Variants in PPP2R2B observed in about 807,000 individuals in gnomAD.
PPP2R2B encodes serine/threonine-protein phosphatase 2A 55 kDa regulatory subunit B beta isoform.
Under a neutral mutation model 46.0 loss-of-function variants are expected in PPP2R2B, and 5 were observed. That is an observed-to-expected ratio of 0.11 (90% confidence interval 0.06 to 0.23). The LOEUF is 0.23. PPP2R2B is among the 10% of genes least tolerant of loss of function. The pLI, the probability that PPP2R2B is intolerant of heterozygous loss-of-function variation, is 1.00. For synonymous variants in PPP2R2B, 215 were observed against 206.7 expected (o/e 1.04, Z -0.34); for missense variants, 367 against 575.0 (o/e 0.64, Z 3.70).
rs1276397609 is a variant in PPP2R2B, at chr5:146,701,151, A to C, written c.71-9T>G. 1 of 1,602,606 alleles carries C rather than the reference A, an allele frequency of 6.2e-7. No homozygotes were observed. The highest frequency in any genetic ancestry group is 1.1e-5 in the South Asian group (1 of 90,832). On this transcript the variant is annotated splice_polypyrimidine_tract_variant and intron_variant, in intron 2 of 9. Transcript: ENST00000394411. ...CGTAGAGATAATGTCAGCTGCAAAG[A>C]AGAAGACAAAGGCAATTTAAGTAAC...
At chr5:146,682,875 T>C (rs1243470541) in intron 5 of PPP2R2B, among the ~76,000 whole-genome samples, 1 of 152,184 alleles carries the variant, frequency 6.6e-6, no homozygotes, top group Non-Finnish European at 1.5e-5. Context: ...ATTTTGATAA[T>C]AATGTTGTCC....
chr5:147,055,594 G>C, intron 1 of PPP2R2B: 1 of 1,352,656 alleles, frequency 7.4e-7, no homozygotes, highest in Non-Finnish European at 1.1e-6. Flanking sequence ...AGCATCAGCA[G>C]AACCCGTGGG....
At chr5:147,046,558 A>T (rs1197521299) in intron 1 of PPP2R2B, among the ~76,000 whole-genome samples, 3 of 152,198 alleles carry the variant, frequency 2.0e-5, no homozygotes, top group Non-Finnish European at 4.4e-5. Flanking sequence ...AAATGAAGGA[A>T]TTGCCTTGGG....
intron 2 of PPP2R2B, among the ~76,000 whole-genome samples, chr5:146,798,018 T>A (rs930887251): frequency 6.6e-6 from 1 of 152,150 alleles, no homozygotes; most frequent in Non-Finnish European, 1.5e-5. Flanking sequence ...AGAGTCTCCC[T>A]TCCCATAACT....
intron 1 of PPP2R2B, among the ~76,000 whole-genome samples, chr5:146,970,672 G>A (rs1752625007): frequency 6.6e-6 from 1 of 152,130 alleles, no homozygotes; most frequent in African/African-American, 2.4e-5. Context: ...TTAAGTCACA[G>A]GAAGAGGAAT....
At chr5:146,663,769 A>G (rs1776814372) in intron 5 of PPP2R2B, among the ~76,000 whole-genome samples, 1 of 152,168 alleles carries the variant, frequency 6.6e-6, no homozygotes, top group Non-Finnish European at 1.5e-5. Context: ...ATGTTGATGG[A>G]TGCTGATTGA....
intron 5 of PPP2R2B, among the ~76,000 whole-genome samples, chr5:146,680,557 A>AAT (rs1778097564): frequency 6.6e-6 from 1 of 151,708 alleles, no homozygotes; most frequent in African/African-American, 2.4e-5. Context: ...ATAATAATAA[A>AAT]AAAAACCACA....
At chr5:146,765,250 T>C (rs1754409204) in intron 2 of PPP2R2B, among the ~76,000 whole-genome samples, 1 of 152,224 alleles carries the variant, frequency 6.6e-6, no homozygotes, top group South Asian at 2.1e-4. Flanking sequence ...CTGAATGCTT[T>C]CACATCCCTT....
chr5:146,625,439 T>C (rs2151063119), intron 7 of PPP2R2B, among the ~76,000 whole-genome samples: 1 of 152,330 alleles, frequency 6.6e-6, no homozygotes, highest in African/African-American at 2.4e-5. Context: ...TCAGATTGAA[T>C]GACTATAGTT....
intron 9 of PPP2R2B, among the ~76,000 whole-genome samples, chr5:146,591,679 A>C (rs1379403526): frequency 3.3e-5 from 5 of 152,060 alleles, no homozygotes; most frequent in Non-Finnish European, 7.4e-5. Context: ...TTTCCAAAAA[A>C]AAAAAAAAAA....
chr5:146,706,555 C>T, intron 2 of PPP2R2B: 1 of 1,013,524 alleles, frequency 9.9e-7, no homozygotes, highest in Non-Finnish European at 1.5e-6. Flanking sequence ...TGAAGGGCGG[C>T]CTCCAGCTCG....
At chr5:146,796,708 A>G (rs1177257621) in intron 2 of PPP2R2B, among the ~76,000 whole-genome samples, 2 of 152,184 alleles carry the variant, frequency 1.3e-5, no homozygotes, top group African/African-American at 4.8e-5. Flanking sequence ...AAGGAAACTA[A>G]TCAAGCCAAA....
intron 5 of PPP2R2B, among the ~76,000 whole-genome samples, chr5:146,685,767 G>A (rs969650338): frequency 6.6e-6 from 1 of 152,124 alleles, no homozygotes; most frequent in African/African-American, 2.4e-5. Context: ...TGTGCTGACA[G>A]GAGGACAGAA....
intron 6 of PPP2R2B, among the ~76,000 whole-genome samples, chr5:146,648,787 A>G (rs1480262177): frequency 1.3e-5 from 2 of 152,218 alleles, no homozygotes; most frequent in Middle Eastern, 3.2e-3. Context: ...GAAAGAGGGA[A>G]CAGCAAATGC....
At chr5:146,854,105 C>T (rs545865708) in intron 2 of PPP2R2B, among the ~76,000 whole-genome samples, 1 of 152,020 alleles carries the variant, frequency 6.6e-6, no homozygotes, top group Non-Finnish European at 1.5e-5. Flanking sequence ...ATAGTAAGTG[C>T]ACAATAAATA....
intron 7 of PPP2R2B, among the ~76,000 whole-genome samples, chr5:146,624,584 T>C (rs1414296104): frequency 1.3e-5 from 2 of 152,240 alleles, no homozygotes; most frequent in Non-Finnish European, 2.9e-5. Context: ...CTCTTCCTCC[T>C]GAGGCTTCAT....
At chr5:146,958,250 C>G (rs560900637) in intron 1 of PPP2R2B, among the ~76,000 whole-genome samples, 1 of 152,288 alleles carries the variant, frequency 6.6e-6, no homozygotes, top group South Asian at 2.1e-4. Context: ...GCCACTGTCT[C>G]TAGCCCTTAT....
chr5:146,642,687 G>A (rs1775297399), intron 6 of PPP2R2B, among the ~76,000 whole-genome samples: 4 of 152,148 alleles, frequency 2.6e-5, no homozygotes, highest in Admixed American at 2.6e-4. Flanking sequence ...GTGGGTTTAC[G>A]AATGGTTTTT....
intron 1 of PPP2R2B, among the ~76,000 whole-genome samples, chr5:147,035,530 C>T (rs1286917754): frequency 2.0e-5 from 3 of 152,176 alleles, no homozygotes; most frequent in African/African-American, 7.2e-5. Flanking sequence ...TAAGTAGACT[C>T]TCAAGGCTTT....
Sources: allele counts gnomAD v4.1 joint callset (sites outside exome capture counted in the v4.1 genomes callset), GRCh38; gene constraint gnomAD v4.1.1; transcripts MANE v1.5; gene names NCBI Gene and HGNC (gene_info 2026-07-23, HGNC 2026-07-21).